CYP7B1: variants seen among roughly 807,000 people sequenced by gnomAD.
The protein encoded by CYP7B1 is cytochrome P450 7B1.
In CYP7B1, 29 loss-of-function variants were observed where a neutral mutation model predicts 42.7. The observed-to-expected ratio is 0.68, with a 90% CI of 0.51 to 0.93. The LOEUF is 0.93. CYP7B1 is among the 40% of genes least tolerant of loss of function. The pLI, the probability that CYP7B1 is intolerant of heterozygous loss-of-function variation, is 0.00. For missense variants in CYP7B1, 655 were observed against 600.5 expected, an observed-to-expected ratio of 1.09 and a Z score of -0.95; for synonymous variants, 235 against 218.2, an observed-to-expected ratio of 1.08 and a Z score of -0.68.
At chr8:64,609,616 C>A (rs1432175817) in intron 4 of CYP7B1, among the ~76,000 whole-genome samples, 1 of 152,144 alleles carries the variant, frequency 6.6e-6, no homozygotes, top group African/African-American at 2.4e-5. Flanking sequence ...CTTGGCACAA[C>A]TAGGTGTGTA....
At chr8:64,664,973 T>G (rs1025929062) in intron 1 of CYP7B1, among the ~76,000 whole-genome samples, 1 of 151,892 alleles carries the variant, frequency 6.6e-6, no homozygotes, top group African/African-American at 2.4e-5. Context: ...AGCATCATCA[T>G]AAAAAAAAGC....
intron 1 of CYP7B1, among the ~76,000 whole-genome samples, chr8:64,711,382 C>G (rs576446564): frequency 1.3e-4 from 20 of 152,296 alleles, no homozygotes; most frequent in Admixed American, 1.1e-3. Context: ...TGCCTGGGAC[C>G]AGTCACTGCA....
rs191240505 is a variant in CYP7B1 at position 64,608,665 on chromosome 8, G to T, written c.1058-3808C>A. On this transcript the variant is annotated intron_variant, in intron 4 of 5. Transcript: ENST00000310193. The stretch of plus-strand genomic sequence containing the variant: ...GGTTATAAAAGGGGGAGAGGGGTTG[G>T]GTATGGAGGTGGTGTGCTCTGGAAG... 1.6e-4 allele frequency among the ~76,000 whole-genome samples: 24 copies of T among 151,990 alleles called. No homozygotes were observed. In the East Asian group the frequency reaches 4.5e-3, roughly 28 times the overall value.
At chr8:64,690,138 C>T (rs1212393130) in intron 1 of CYP7B1, among the ~76,000 whole-genome samples, 2 of 152,176 alleles carry the variant, frequency 1.3e-5, no homozygotes, top group Non-Finnish European at 2.9e-5. Context: ...TGGCTCACGC[C>T]TGAAATCCCA....
intron 1 of CYP7B1, among the ~76,000 whole-genome samples, chr8:64,780,167 A>T (rs1230341383): frequency 6.6e-6 from 1 of 152,124 alleles, no homozygotes; most frequent in East Asian, 1.9e-4. Flanking sequence ...TTATGACATT[A>T]GGTTTCAATT....
At chr8:64,697,198 G>A (rs1283199926) in intron 1 of CYP7B1, among the ~76,000 whole-genome samples, 3 of 152,164 alleles carry the variant, frequency 2.0e-5, no homozygotes, top group African/African-American at 7.2e-5. Context: ...GTTAGGTGCT[G>A]GAGAATGCAT....
intron 1 of CYP7B1, among the ~76,000 whole-genome samples, chr8:64,770,205 G>A (rs186722848): frequency 1.3e-4 from 20 of 152,026 alleles, no homozygotes; most frequent in African/African-American, 4.6e-4. Context: ...GAGACCAACC[G>A]TGTGCCATAA....
At chr8:64,673,727 G>C (rs923092678) in intron 1 of CYP7B1, among the ~76,000 whole-genome samples, 12 of 152,068 alleles carry the variant, frequency 7.9e-5, no homozygotes, top group Non-Finnish European at 1.6e-4. Context: ...TAAACGGGCA[G>C]ACAAGGTGAC....
At chr8:64,623,768 G>A (rs564482300) in intron 2 of CYP7B1, among the ~76,000 whole-genome samples, 368 of 152,256 alleles carry the variant, frequency 2.4e-3, no homozygotes, top group African/African-American at 8.2e-3. Context: ...AGAGGCAGGG[G>A]AAGAAGAATG....
intron 1 of CYP7B1, among the ~76,000 whole-genome samples, chr8:64,775,240 T>C (rs1226776783): frequency 1.3e-5 from 2 of 152,206 alleles, no homozygotes; most frequent in Non-Finnish European, 2.9e-5. Context: ...ACTCTAGGAT[T>C]CAGCATCTTG....
chr8:64,687,830 A>G (rs868007928), intron 1 of CYP7B1, among the ~76,000 whole-genome samples: 1 of 152,194 alleles, frequency 6.6e-6, no homozygotes, highest in Admixed American at 6.5e-5. Context: ...AATAGTGTGA[A>G]AAGTGTAATA....
intron 1 of CYP7B1, among the ~76,000 whole-genome samples, chr8:64,747,079 A>G (rs1807653900): frequency 6.6e-6 from 1 of 150,824 alleles, no homozygotes; most frequent in South Asian, 2.1e-4. Flanking sequence ...TTATAAATTC[A>G]TTGTGAATTA....
At position 64,677,719 on chromosome 8, in the gene CYP7B1, T is replaced by G. The variant is rs541677142; in HGVS notation, c.123-53180A>C. On this transcript the variant is annotated intron_variant, in intron 1 of 5. Coordinates refer to ENST00000310193, the MANE Select transcript of CYP7B1 (RefSeq NM_004820.5). ...CCACACTCCTTGGTTTTTTTTTTTTTTTTTTTTTTTTTTACATAGAAATGT... is the reference window on the plus strand; with the variant it reads ...CCACACTCCTTGGTTTTTTTTTTTTGTTTTTTTTTTTTTACATAGAAATGT... 2.1e-3 allele frequency among the ~76,000 whole-genome samples: 316 copies of G among 149,056 alleles called. 2 individuals carry two copies. The highest frequency in any genetic ancestry group is 3.9e-3 in the Admixed American group (59 of 14,988).
At chr8:64,768,543 G>A (rs918119114) in intron 1 of CYP7B1, among the ~76,000 whole-genome samples, 1 of 152,042 alleles carries the variant, frequency 6.6e-6, no homozygotes, top group African/African-American at 2.4e-5. Flanking sequence ...AACAATCATC[G>A]AGTTATTCAC....
At chr8:64,677,446 AAAAAAAAAAAAAAAAAAAT>A (rs1806464977) in intron 1 of CYP7B1, among the ~76,000 whole-genome samples, 1 of 121,200 alleles carries the variant, frequency 8.3e-6, no homozygotes, top group East Asian at 2.1e-4. Flanking sequence ...GCCAAAAAAA[AAAAAAAAAAAAAAAAAAAT>A]GATTTCCTGG....
intron 1 of CYP7B1, among the ~76,000 whole-genome samples, chr8:64,676,363 C>A (rs780604942): frequency 6.6e-6 from 1 of 152,118 alleles, no homozygotes; most frequent in Non-Finnish European, 1.5e-5. Context: ...CCTGCCTGTA[C>A]TTGCTAAAAC....
chr8:64,663,423 C>T (rs944001132), intron 1 of CYP7B1, among the ~76,000 whole-genome samples: 3 of 152,210 alleles, frequency 2.0e-5, no homozygotes, highest in Middle Eastern at 3.2e-3. Flanking sequence ...CACTCCGTAA[C>T]ATGAGGGGGC....
rs118000312 is a variant in CYP7B1, at chr8:64,596,305, A to C, written c.*337T>G. ...ATTTTACATATTAGAGAACAATTTG[A>C]GTGATTTAAATTCCACAGTGCCCAA... is the stretch of plus-strand genomic sequence containing the variant. On this transcript the variant is annotated 3_prime_UTR_variant, in exon 6 of 6. Transcript: ENST00000310193. 4,611 of 192,882 alleles carry C rather than the reference A, an allele frequency of 0.024. 80 individuals carry two copies. Among genetic ancestry groups the C allele is most frequent in the South Asian group, 0.044 (506 of 11,404 alleles). The allele number at this position is 192,882 out of a possible 1,614,324, so 11.9% of individuals were successfully genotyped here.
At chr8:64,649,194 A>G (rs1177734540) in intron 1 of CYP7B1, among the ~76,000 whole-genome samples, 4 of 152,156 alleles carry the variant, frequency 2.6e-5, no homozygotes. Context: ...CAATTCATCA[A>G]TTCAAGCAAT....
Sources: allele counts gnomAD v4.1 joint callset (sites outside exome capture counted in the v4.1 genomes callset), GRCh38; gene constraint gnomAD v4.1.1; transcripts MANE v1.5; gene names NCBI Gene and HGNC (gene_info 2026-07-23, HGNC 2026-07-21).